Variants in C5orf58 observed in about 807,000 individuals in gnomAD.
The protein encoded by C5orf58 is putative uncharacterized protein C5orf58.
In C5orf58, 2 loss-of-function variants were observed where a neutral mutation model predicts 2.9. The ratio of observed to expected loss-of-function variants is 0.69; its 90% CI spans 0.28 to 2.18. The LOEUF (loss-of-function observed/expected upper bound fraction) is 2.18, where lower values mean the gene tolerates loss of function less well. Among genes scored for constraint, C5orf58 ranks in the 30% most tolerant of loss-of-function variants. The pLI is 0.13. For missense variants in C5orf58, 96 were observed against 91.7 expected (o/e 1.05, Z -0.19); for synonymous variants, 37 against 33.4 (o/e 1.11, Z -0.37).
rs150298241 is a variant in C5orf58 at position 170,237,182 on chromosome 5, C to G, written c.94+2112C>G. On this transcript the variant is annotated intron_variant, in intron 3 of 3. Transcript: ENST00000593851. ...GTCAGGCAGTTAGACTCTGAGGGACCTGTAGAGCTACGCTAGGAAGGTAGA... is the reference window on the plus strand; with the variant it reads ...GTCAGGCAGTTAGACTCTGAGGGACGTGTAGAGCTACGCTAGGAAGGTAGA... The G allele has an allele frequency of 1.4e-4, 57 of 397,626 alleles. No homozygotes were observed. The East Asian group carries it at 1.6e-3, about 11-fold the overall frequency. 24.6% of individuals were successfully genotyped at this position (397,626 alleles called of 1,614,324 possible).
chr5:170,251,794 G>A (rs1335700431), exon 3 of C5orf58: 1 of 351,876 alleles, frequency 2.8e-6, no homozygotes, highest in Non-Finnish European at 5.9e-6. Flanking sequence ...GAATCTCAAG[G>A]TGAGACCCAG....
rs756165114 is a variant in C5orf58, at chr5:170,234,228, C to T, written c.-1+30C>T. On this transcript the variant is annotated intron_variant, in intron 2 of 3. Transcript: ENST00000593851. ...GTTTGTTTTCATTATTTTGGACAAGCAGCTTGACCCATGACTGCCCACCTT... is the reference window on the plus strand; with the variant it reads ...GTTTGTTTTCATTATTTTGGACAAGTAGCTTGACCCATGACTGCCCACCTT... The T allele has an allele frequency of 6.9e-6, 9 of 1,310,094 alleles. No homozygotes were observed. In the East Asian group the frequency reaches 3.7e-4, roughly 54 times the overall value. 81.2% of individuals were successfully genotyped at this position (1,310,094 alleles called of 1,614,324 possible).
chr5:170,249,986 G>T (rs1263973990), downstream of C5orf58, among the ~76,000 whole-genome samples: 1 of 152,140 alleles, frequency 6.6e-6, no homozygotes, highest in Admixed American at 6.5e-5. Context: ...TCAAACATTT[G>T]ATCACAAGCA....
chr5:170,250,647 G>A (rs758987994), downstream of C5orf58: 1 of 1,073,488 alleles, frequency 9.3e-7, no homozygotes, highest in Non-Finnish European at 1.4e-6. Flanking sequence ...ATACAGCACG[G>A]ACTCTCAAAG....
chr5:170,234,083 G>A (rs968199503), intron 1 of C5orf58, 32 bp from the exon 2 acceptor site: 10 of 1,294,566 alleles, frequency 7.7e-6, no homozygotes, highest in South Asian at 7.0e-5. Flanking sequence ...GATGCAAAGC[G>A]CATTTTATTA....
chr5:170,244,611 C>G (rs968715631), intron 3 of C5orf58, among the ~76,000 whole-genome samples: 3 of 152,030 alleles, frequency 2.0e-5, no homozygotes, highest in Non-Finnish European at 4.4e-5. Context: ...AGTTCTCGAG[C>G]CTTGGTTTTC....
downstream of C5orf58, chr5:170,248,641 G>A: frequency 6.2e-7 from 1 of 1,601,334 alleles, no homozygotes; most frequent in Non-Finnish European, 8.5e-7. Flanking sequence ...AAGGCTGATT[G>A]ATCTCGTGTT....
At chr5:170,238,309 G>A (rs1760827783) in intron 3 of C5orf58, among the ~76,000 whole-genome samples, 1 of 152,062 alleles carries the variant, frequency 6.6e-6, no homozygotes, top group African/African-American at 2.4e-5. Flanking sequence ...AATATTCAGA[G>A]AACAAGAAGG....
At chr5:170,234,489 T>C (rs1413911824) in intron 2 of C5orf58, among the ~76,000 whole-genome samples, 6 of 152,224 alleles carry the variant, frequency 3.9e-5, no homozygotes, top group South Asian at 2.1e-4. Context: ...CCATTTGCCA[T>C]ACTCTTAGTG....
rs1413411787 is a variant in C5orf58, at chr5:170,240,963, G to A, written c.95-4999G>A. 5.3e-5 allele frequency among the ~76,000 whole-genome samples: 8 copies of A among 150,826 alleles called. No individual in the cohort carries two copies. In the East Asian group the frequency reaches 1.6e-3, roughly 29 times the overall value. ...GAATTGATTTTTGTATAAGGTGTAA[G>A]GAAGGGATCCAGTTTCAGCTTTCTA... is the stretch of plus-strand genomic sequence containing the variant. On this transcript the variant is annotated intron_variant, in intron 3 of 3. Transcript: ENST00000593851.
exon 3 of C5orf58, chr5:170,252,093 A>G (rs1761457275): frequency 4.9e-6 from 1 of 205,760 alleles, no homozygotes. Context: ...TAAGAGGAAG[A>G]TAGAACTGGT....
downstream of C5orf58, chr5:170,248,900 A>G: frequency 7.4e-7 from 1 of 1,360,006 alleles, no homozygotes; most frequent in Non-Finnish European, 1.0e-6. Context: ...TATCTGCATA[A>G]TATATGCTGC....
At chr5:170,234,605 A>C (rs1760663712) in intron 2 of C5orf58, among the ~76,000 whole-genome samples, 1 of 152,224 alleles carries the variant, frequency 6.6e-6, no homozygotes, top group Non-Finnish European at 1.5e-5. Context: ...AATAAGTTAG[A>C]AAAAGACATG....
chr5:170,237,142 A>T (rs539145752), intron 3 of C5orf58: 1 of 396,166 alleles, frequency 2.5e-6, no homozygotes, highest in African/African-American at 2.1e-5. Flanking sequence ...TTTTCTTGAG[A>T]CATTGTATGG....
At chr5:170,246,941 C>G (rs1393706340), downstream of C5orf58, 1 of 152,196 alleles carries the variant, frequency 6.6e-6, no homozygotes, top group Non-Finnish European at 1.5e-5. Context: ...CATCTTAATC[C>G]TGATGGCACT....
chr5:170,250,183 G>A (rs1175573039), downstream of C5orf58, among the ~76,000 whole-genome samples: 1 of 152,128 alleles, frequency 6.6e-6, no homozygotes, highest in Non-Finnish European at 1.5e-5. Flanking sequence ...TAGCCCTGAG[G>A]GTTTCTTTCC....
At chr5:170,251,736 G>A (rs1761447382) in exon 3 of C5orf58, 1 of 449,480 alleles carries the variant, frequency 2.2e-6, no homozygotes, top group Non-Finnish European at 4.5e-6. Context: ...GAATTACCTG[G>A]GAAGTTTGAA....
downstream of C5orf58, among the ~76,000 whole-genome samples, chr5:170,249,148 C>A (rs1761367617): frequency 6.6e-6 from 1 of 151,870 alleles, no homozygotes; most frequent in South Asian, 2.1e-4. Context: ...ATGGTGAAAC[C>A]CTGTCTCTAC....
At chr5:170,252,535 CTG>C, downstream of C5orf58, 1 of 1,257,318 alleles carries the variant, frequency 8.0e-7, no homozygotes, top group Non-Finnish European at 1.1e-6. Context: ...TTTTTAGAAA[CTG>C]AATAAATTTT....
Sources: gnomAD v4.1 joint callset for allele counts (sites outside exome capture counted in the v4.1 genomes callset) on GRCh38, gnomAD v4.1.1 for gene constraint, MANE v1.5 for transcripts, NCBI Gene and HGNC (gene_info 2026-07-23, HGNC 2026-07-21) for gene names.